ITPR3: variants seen among roughly 807,000 people sequenced by gnomAD.
ITPR3 encodes inositol 1,4,5-trisphosphate receptor type 3.
In ITPR3, 173 loss-of-function variants were observed where a neutral mutation model predicts 293.2. That is an observed-to-expected ratio of 0.59 (90% CI 0.52 to 0.67). The LOEUF (loss-of-function observed/expected upper bound fraction) is 0.67, where lower values mean the gene tolerates loss of function less well. Among genes scored for constraint, ITPR3 ranks in the 30% least tolerant of loss-of-function variants. The pLI is 0.00. For synonymous variants in ITPR3, 1,295 were observed against 1,444.4 expected, an observed-to-expected ratio of 0.90 and a Z score of 2.35; for missense variants, 2,796 against 3,592.1, an observed-to-expected ratio of 0.78 and a Z score of 5.66.
chr6:33,692,684 T>C lies in ITPR3; in HGVS notation c.7459-44T>C, dbSNP rs1018591449. The C allele has an allele frequency of 2.5e-6, 4 of 1,597,178 alleles. No individual in the cohort carries two copies. The highest frequency in any genetic ancestry group is 1.3e-5 in the African/African-American group (1 of 74,560). Reference sequence around the variant, plus strand: ...CTGAGTCCTATCTTGCCCCAGTGAATGTGGGGACCACCGGGCCCAGCCTCC... The same window carrying C: ...CTGAGTCCTATCTTGCCCCAGTGAACGTGGGGACCACCGGGCCCAGCCTCC... On this transcript the variant is annotated intron_variant, in intron 54 of 57. Transcript: ENST00000605930. The surrounding 1 kb of genome is among the most constrained non-coding windows in gnomAD (Gnocchi z 4.2).
Position 33,678,682 on chromosome 6 carries a change from A to C in ITPR3, c.3815A>C (p.Tyr1272Ser), listed in dbSNP as rs1402078958. Residue 1272 changes from tyrosine (Y) to serine (S), a missense_variant, in exon 30 of 58, where the codon TAT becomes TCT. Around this residue, in one of 8 missense-constraint regions of ITPR3, gnomAD observed 344 missense variants for 460.3 expected, o/e 0.75. Transcript: ENST00000605930. ...ATGCAGCACATCTTCCTGAACAACT[A>C]TCAGCTCTGCTCCGAGATCAGCGAG... ...ETMQHIFLNN[Y>S]QLCSEISEPV... 2.5e-6 allele frequency: 4 copies of C among 1,613,112 alleles called. No homozygotes were observed. The highest frequency in any genetic ancestry group is 3.4e-6 in the Non-Finnish European group (4 of 1,179,814).
At chr6:33,649,399 A>G (rs1303859599) in intron 2 of ITPR3, among the ~76,000 whole-genome samples, 3 of 151,588 alleles carry the variant, frequency 2.0e-5, no homozygotes, top group Admixed American at 6.6e-5. Context: ...CTAATTTTGT[A>G]TTTTTGGTAG....
rs1765419955 is a variant in ITPR3 at position 33,692,417 on chromosome 6, T to C, written c.7459-311T>C. On this transcript the variant is annotated intron_variant, in intron 54 of 57. Coordinates refer to ENST00000605930, the MANE Select transcript of ITPR3 (RefSeq NM_002224.4). This position sits in a 1 kb window ranked among gnomAD's most constrained non-coding sequence, Gnocchi z 4.2. ...GAGCTGCCTCTTTCCCTCATCAATG[T>C]TAGGGGCAGAGACACACCGAGACTC... Among the ~76,000 whole-genome samples, 2 of 152,056 alleles carry C rather than the reference T, an allele frequency of 1.3e-5. No homozygotes were observed. The highest frequency in any genetic ancestry group is 2.9e-5 in the Non-Finnish European group (2 of 67,990).
chr6:33,661,722 C>T (rs1348080065), intron 7 of ITPR3, among the ~76,000 whole-genome samples: 1 of 152,068 alleles, frequency 6.6e-6, no homozygotes, highest in African/African-American at 2.4e-5. Flanking sequence ...AGGCCGGGCA[C>T]AGTGGCTTAT....
intron 2 of ITPR3, among the ~76,000 whole-genome samples, chr6:33,645,598 T>A (rs1764048631): frequency 6.6e-6 from 1 of 152,162 alleles, no homozygotes; most frequent in Non-Finnish European, 1.5e-5. Flanking sequence ...GTGGGGGGAT[T>A]ACTAGGTGAG....
At chr6:33,663,459 T>C in intron 9 of ITPR3, 41 bp from the exon 10 acceptor site, 1 of 1,572,014 alleles carries the variant, frequency 6.4e-7, no homozygotes, top group South Asian at 1.2e-5. Flanking sequence ...GGGTATAGTT[T>C]GGTGTCCAGT....
Position 33,655,787 on chromosome 6 carries a change from C to T in ITPR3, c.182C>T (p.Pro61Leu), listed in dbSNP as rs1764291936. 2 of 1,613,958 alleles carry T rather than the reference C, an allele frequency of 1.2e-6. No homozygotes were observed. The highest frequency in any genetic ancestry group is 1.7e-6 in the Non-Finnish European group (2 of 1,180,010). The change falls in exon 3 of 58, where the codon CCC becomes CTC. Residue 61 changes from proline (P) to leucine (L), a missense_variant. By Grantham distance (98) the Pro-to-Leu change is moderately conservative. Coordinates refer to ENST00000605930, the MANE Select transcript of ITPR3 (RefSeq NM_002224.4). The surrounding 1 kb of genome is among the most constrained non-coding windows in gnomAD (Gnocchi z 4.9). ...ACAGACTGCCTCTTCAAGGTGTGCC[C>T]CATGAACCGCTACTCGGCCCAGAAG... The part of the protein sequence containing the change: ...KFRDCLFKVC[P>L]MNRYSAQKQY...
At chr6:33,685,852 C>A (rs1240597234) in intron 41 of ITPR3, 25 bp downstream of exon 41, 3 of 1,550,728 alleles carry the variant, frequency 1.9e-6, no homozygotes, top group Non-Finnish European at 2.6e-6. Context: ...ACACACCTGC[C>A]CCTTCCCCCG....
chr6:33,683,471 GCA>G lies in ITPR3; in HGVS notation c.4788+75_4788+76del. On this transcript the variant is annotated intron_variant, in intron 35 of 57. Transcript: ENST00000605930. This position sits in a 1 kb window ranked among gnomAD's most constrained non-coding sequence, Gnocchi z 4.5. Reference sequence around the variant, plus strand: ...TCAGCAGCTCCCCTACTTTGGAGGGGCAAGTTCTCGGGGAGTGTTTCTTCCTG... The same window carrying G: ...TCAGCAGCTCCCCTACTTTGGAGGGGAGTTCTCGGGGAGTGTTTCTTCCTG... The G allele has an allele frequency of 2.4e-6, 3 of 1,256,630 alleles. No homozygotes were observed. The highest frequency in any genetic ancestry group is 2.1e-6 in the Non-Finnish European group (2 of 931,684). The allele number at this position is 1,256,630 out of a possible 1,614,324, so 77.8% of individuals were successfully genotyped here.
chr6:33,674,202 C>T lies in ITPR3; in HGVS notation c.3059-6C>T. On this transcript the variant is annotated splice_region_variant and splice_polypyrimidine_tract_variant and intron_variant, in intron 23 of 57. Coordinates refer to ENST00000605930, the MANE Select transcript of ITPR3 (RefSeq NM_002224.4). ...AATCTGCTTCCATCTGCCCCTCTCC[C>T]CACAGCTGCCAACATGAACCTGGAT... 1 of 1,614,042 alleles carries T rather than the reference C, an allele frequency of 6.2e-7. No homozygotes were observed. Among genetic ancestry groups the T allele is most frequent in the Non-Finnish European group, 8.5e-7 (1 of 1,179,958 alleles).
intron 9 of ITPR3, 128 bp from the exon 10 acceptor site, chr6:33,663,372 C>A: frequency 1.3e-6 from 1 of 798,692 alleles, no homozygotes; most frequent in Admixed American, 2.3e-5. Flanking sequence ...ATGATATGGG[C>A]ACCCCTGGGA....
At chr6:33,674,469 G>A (rs143336146) in intron 24 of ITPR3, among the ~76,000 whole-genome samples, 75 of 152,304 alleles carry the variant, frequency 4.9e-4, no homozygotes, top group African/African-American at 1.5e-3. Context: ...CAGTCATCCC[G>A]TCATTCTTCC....
Position 33,695,656 on chromosome 6 carries a change from T to C in ITPR3, c.7948-56T>C, listed in dbSNP as rs755760184. 7 of 1,545,992 alleles carry C rather than the reference T, an allele frequency of 4.5e-6. No individual in the cohort carries two copies. In the South Asian group the frequency reaches 7.8e-5, roughly 17 times the overall value. On this transcript the variant is annotated intron_variant, in intron 57 of 57. Transcript: ENST00000605930. ...GTGCCAAGCTCTTCCACAGCACCCA[T>C]GGAGGGAAGGTGCCAGGCGGCCTGA...
intron 56 of ITPR3, 81 bp from the exon 57 acceptor site, chr6:33,694,843 C>T: frequency 6.5e-7 from 1 of 1,544,884 alleles, no homozygotes. Flanking sequence ...GCAGAAGCCT[C>T]CCCCCACATT....
chr6:33,658,575 T>G lies in ITPR3; in HGVS notation c.370-95T>G, dbSNP rs1036894172. 7.0e-7 allele frequency: 1 copy of G among 1,430,970 alleles called. No individual in the cohort carries two copies. Among genetic ancestry groups the G allele is most frequent in the African/African-American group, 1.4e-5 (1 of 70,676 alleles). 88.6% of individuals were successfully genotyped at this position (1,430,970 alleles called of 1,614,324 possible). A position where few individuals can be genotyped will look rare whatever the true frequency, so the allele number is the denominator to read the frequency against. ...TCTGACACTATGTGTGCAGCCAGAA[T>G]GTGACCAAGGGTCTAGGGGATCCCC... On this transcript the variant is annotated intron_variant, in intron 4 of 57. Coordinates refer to ENST00000605930, the MANE Select transcript of ITPR3 (RefSeq NM_002224.4). This position sits in a 1 kb window ranked among gnomAD's most constrained non-coding sequence, Gnocchi z 6.1.
intron 2 of ITPR3, among the ~76,000 whole-genome samples, chr6:33,652,536 C>A (rs987684447): frequency 2.0e-5 from 3 of 152,164 alleles, no homozygotes; most frequent in African/African-American, 4.8e-5. Context: ...TCTCAGCTCA[C>A]TGCAGCCTCT....
Position 33,693,688 on chromosome 6 carries a change from G to A in ITPR3, c.7768G>A (p.Val2590Met), listed in dbSNP as rs1765457204. 2.5e-6 allele frequency: 4 copies of A among 1,614,030 alleles called. No individual in the cohort carries two copies. Among genetic ancestry groups the A allele is most frequent in the African/African-American group, 2.7e-5 (2 of 74,940 alleles). ...KTDYTGPESY[V>M]AQMIKNKNLD... ...CGACTACACGGGCCCTGAGAGCTAC[G>A]TGGCCCAGATGATCAAGGTGTGAGC... The change falls in exon 56 of 58, where the codon GTG (valine) becomes ATG (methionine). Residue 2590 changes from valine (V) to methionine (M), a missense_variant. This residue lies in a region of ITPR3 where 568 missense variants were observed against 796.1 expected (regional missense o/e 0.71). Transcript: ENST00000605930.
Position 33,667,768 on chromosome 6 carries a change from C to A in ITPR3, c.1714-24C>A, listed in dbSNP as rs1464481245. 1.2e-6 allele frequency: 2 copies of A among 1,612,952 alleles called. No individual in the cohort carries two copies. Among genetic ancestry groups the A allele is most frequent in the East Asian group, 2.2e-5 (1 of 44,874 alleles). On this transcript the variant is annotated intron_variant, in intron 15 of 57. Coordinates refer to ENST00000605930, the MANE Select transcript of ITPR3 (RefSeq NM_002224.4). The surrounding 1 kb of genome is among the most constrained non-coding windows in gnomAD (Gnocchi z 4.4). Reference sequence around the variant, plus strand: ...TTGGCCCACCTGTGACTCTCTGTGACCCCCAGCCTGTCTGCCCCCCCAGGA... The same window carrying A: ...TTGGCCCACCTGTGACTCTCTGTGAACCCCAGCCTGTCTGCCCCCCCAGGA...
In ITPR3 at chr6:33,691,257, C is replaced by A; in HGVS notation, c.7225+148C>A. 1 of 743,694 alleles carries A rather than the reference C, an allele frequency of 1.3e-6. No individual in the cohort carries two copies. The highest frequency in any genetic ancestry group is 2.2e-6 in the Non-Finnish European group (1 of 455,620). 46.1% of individuals were successfully genotyped at this position (743,694 alleles called of 1,614,324 possible). ...GGCTTCTGGGGACGTCTAGCTAACACCAGTCTGCCTCGCTCTTTTCTGGAA... is the reference window on the plus strand; with the variant it reads ...GGCTTCTGGGGACGTCTAGCTAACAACAGTCTGCCTCGCTCTTTTCTGGAA... On this transcript the variant is annotated intron_variant, in intron 52 of 57. Transcript: ENST00000605930. This position sits in a 1 kb window ranked among gnomAD's most constrained non-coding sequence, Gnocchi z 4.9.
Sources: allele counts gnomAD v4.1 joint callset (sites outside exome capture counted in the v4.1 genomes callset), GRCh38; gene constraint gnomAD v4.1.1; regional missense constraint gnomAD v4.1.1; non-coding constraint Gnocchi (gnomAD v3.1); transcripts MANE v1.5; gene names NCBI Gene and HGNC (gene_info 2026-07-23, HGNC 2026-07-21).